The following IL1RAPL1 variants were observed in gnomAD, a reference collection of about 807,000 sequenced individuals.
IL1RAPL1 encodes the protein interleukin-1 receptor accessory protein-like 1.
In IL1RAPL1, 3 loss-of-function variants were observed where a neutral mutation model predicts 48.4. The observed-to-expected ratio is 0.06, with a 90% CI of 0.03 to 0.16. The LOEUF (loss-of-function observed/expected upper bound fraction) is 0.16, where lower values mean the gene tolerates loss of function less well. IL1RAPL1 is among the 10% of genes least tolerant of loss of function. The pLI is 1.00. For missense variants in IL1RAPL1, 349 were observed against 530.6 expected, an observed-to-expected ratio of 0.66 and a Z score of 3.36; for synonymous variants, 185 against 187.7, an observed-to-expected ratio of 0.99 and a Z score of 0.12.
chrX:29,388,843 G>A (rs1430559059), intron 3 of IL1RAPL1, among the ~76,000 whole-genome samples: 1 of 111,418 alleles, frequency 9.0e-6, no homozygotes, highest in Non-Finnish European at 1.9e-5. Flanking sequence ...AGATAGAGGT[G>A]ATCATTCCAA....
chrX:29,488,629 CTA>C (rs1214057462), intron 5 of IL1RAPL1, among the ~76,000 whole-genome samples: 12 of 110,098 alleles, frequency 1.1e-4, no homozygotes, highest in Non-Finnish European at 2.3e-4. Flanking sequence ...GCATATATAA[CTA>C]TGAGAGGTGG....
chrX:28,752,591 T>C (rs1445071129), intron 1 of IL1RAPL1, among the ~76,000 whole-genome samples: 1 of 112,289 alleles, frequency 8.9e-6, no homozygotes, highest in East Asian at 2.8e-4. Flanking sequence ...ACTGTAAAAT[T>C]CTCATGTCTG....
chrX:28,889,361 T>C (rs1922718872), intron 2 of IL1RAPL1, among the ~76,000 whole-genome samples: 1 of 111,272 alleles, frequency 9.0e-6, no homozygotes, highest in Non-Finnish European at 1.9e-5. Flanking sequence ...CTGAGATAAA[T>C]GTATGATTTG....
At chrX:28,659,066 G>A (rs1045438364) in intron 1 of IL1RAPL1, 1 of 679,471 alleles carries the variant, frequency 1.5e-6, no homozygotes, top group African/African-American at 2.1e-5. Flanking sequence ...GGATTCTTAA[G>A]CACGTTCTCC....
chrX:29,043,539 G>A (rs1414737307), intron 2 of IL1RAPL1, among the ~76,000 whole-genome samples: 1 of 111,086 alleles, frequency 9.0e-6, no homozygotes. Context: ...TCCATGCATG[G>A]AGGTGTCAAA....
chrX:29,622,894 T>A (rs766581286), intron 5 of IL1RAPL1, among the ~76,000 whole-genome samples: 282 of 111,163 alleles, frequency 2.5e-3, no homozygotes, highest in Middle Eastern at 9.3e-3. Context: ...ATGAATATCT[T>A]TTTTTAGTTC....
At chrX:29,874,226 C>A (rs1242638437) in intron 6 of IL1RAPL1, among the ~76,000 whole-genome samples, 2 of 111,516 alleles carry the variant, frequency 1.8e-5, no homozygotes, top group African/African-American at 6.5e-5. Flanking sequence ...TGTGGAACCC[C>A]ACCCCCACAC....
chrX:29,937,209 C>G (rs1428887372), intron 8 of IL1RAPL1, among the ~76,000 whole-genome samples: 1 of 112,215 alleles, frequency 8.9e-6, no homozygotes, highest in Non-Finnish European at 1.9e-5. Flanking sequence ...AAAGGCTAAA[C>G]AGATTTTAAA....
intron 5 of IL1RAPL1, among the ~76,000 whole-genome samples, chrX:29,607,662 ACT>A (rs1392205677): frequency 9.1e-6 from 1 of 109,878 alleles, no homozygotes; most frequent in African/African-American, 3.3e-5. Context: ...ATGATTCCAC[ACT>A]CTTTCTCTTT....
intron 3 of IL1RAPL1, among the ~76,000 whole-genome samples, chrX:29,327,518 G>C (rs1423859748): frequency 3.0e-5 from 3 of 99,177 alleles, no homozygotes; most frequent in Non-Finnish European, 6.0e-5. Context: ...TTTTTGAATA[G>C]GTGACTCTTA....
chrX:29,734,925 T>C (rs1928008447), intron 6 of IL1RAPL1, among the ~76,000 whole-genome samples: 1 of 112,366 alleles, frequency 8.9e-6, no homozygotes, highest in Admixed American at 9.4e-5. Context: ...ATCCTTATTT[T>C]CTCTTCTTGC....
intron 1 of IL1RAPL1, among the ~76,000 whole-genome samples, chrX:28,588,518 G>A (rs1463340919): frequency 1.8e-5 from 2 of 112,093 alleles, no homozygotes; most frequent in Middle Eastern, 4.6e-3. Flanking sequence ...TCAACTCAGT[G>A]CAGCATTCTG....
chrX:28,920,659 T>C (rs1220419241), intron 2 of IL1RAPL1, among the ~76,000 whole-genome samples: 5 of 111,819 alleles, frequency 4.5e-5, no homozygotes, highest in Non-Finnish European at 1.9e-5. Context: ...AAGTACTTGA[T>C]TTATTAGTAT....
intron 2 of IL1RAPL1, among the ~76,000 whole-genome samples, chrX:29,094,405 T>C (rs1928157234): frequency 9.0e-6 from 1 of 110,714 alleles, no homozygotes; most frequent in Admixed American, 9.7e-5. Flanking sequence ...TTTAGTTGTA[T>C]CGTAGTTGAT....
intron 3 of IL1RAPL1, among the ~76,000 whole-genome samples, chrX:29,325,017 T>C: frequency 8.9e-6 from 1 of 112,194 alleles, no homozygotes; most frequent in Non-Finnish European, 1.9e-5. Context: ...TTTAGCTCTG[T>C]GTGGAATATC....
chrX:29,856,455 G>T (rs1931479034), intron 6 of IL1RAPL1, among the ~76,000 whole-genome samples: 1 of 112,029 alleles, frequency 8.9e-6, no homozygotes, highest in Non-Finnish European at 1.9e-5. Context: ...TTCAGTGGCA[G>T]CATCACATAA....
At chrX:29,884,686 C>G (rs1187537422) in intron 6 of IL1RAPL1, among the ~76,000 whole-genome samples, 2 of 111,503 alleles carry the variant, frequency 1.8e-5, no homozygotes, top group Non-Finnish European at 3.8e-5. Flanking sequence ...GGAATAGACA[C>G]TCCAAACTCC....
chrX:28,710,530 A>G (rs928919436), intron 1 of IL1RAPL1, among the ~76,000 whole-genome samples: 1 of 110,116 alleles, frequency 9.1e-6, no homozygotes, highest in African/African-American at 3.3e-5. Context: ...GAAAAATGGT[A>G]TGGCTGGTGT....
At chrX:29,501,929 T>C (rs1935280097) in intron 5 of IL1RAPL1, among the ~76,000 whole-genome samples, 1 of 110,140 alleles carries the variant, frequency 9.1e-6, no homozygotes, top group South Asian at 3.9e-4. Context: ...ATTTTAACAA[T>C]ATTAACAATA....
Sources: allele counts gnomAD v4.1 joint callset (sites outside exome capture counted in the v4.1 genomes callset), GRCh38; gene constraint gnomAD v4.1.1; transcripts MANE v1.5; gene names NCBI Gene and HGNC (gene_info 2026-07-23, HGNC 2026-07-21).